Variants in DNAH12 observed in about 807,000 individuals in gnomAD.
DNAH12 encodes the protein dynein axonemal heavy chain 12, also known as axonemal beta dynein heavy chain 12.
A neutral mutation model predicts 371.5 loss-of-function variants in DNAH12; 285 were observed. That is an observed-to-expected ratio of 0.77 (90% confidence interval 0.70 to 0.85). The LOEUF is 0.85. Ranked by LOEUF, DNAH12 falls within the 40% of genes least tolerant of loss-of-function variation. The pLI is 0.00. For synonymous variants in DNAH12, 1,200 were observed against 1,213.0 expected, an observed-to-expected ratio of 0.99 and a Z score of 0.22; for missense variants, 3,611 against 3,689.4, an observed-to-expected ratio of 0.98 and a Z score of 0.55.
chr3:57,326,384 A>G (rs1231101929), intron 62 of DNAH12, among the ~76,000 whole-genome samples: 1 of 152,260 alleles, frequency 6.6e-6, no homozygotes, highest in Non-Finnish European at 1.5e-5. Flanking sequence ...TACAAGCCAG[A>G]AGAGAGTGGG....
rs1215843178 is a variant in DNAH12 at position 57,510,807 on chromosome 3, C to A, written c.452G>T (p.Ser151Ile). 6.2e-7 allele frequency: 1 copy of A among 1,613,910 alleles called. No homozygotes were observed. The highest frequency in any genetic ancestry group is 8.5e-7 in the Non-Finnish European group (1 of 1,179,998). Reference sequence around the variant, plus strand: ...CTACTTACCCAAATATCTCTTCATGCTGTTTTCAAAGTCACTTGACACCTC... The same window carrying A: ...CTACTTACCCAAATATCTCTTCATGATGTTTTCAAAGTCACTTGACACCTC... The part of the protein sequence containing the change: ...INEVSSDFEN[S>I]MKRYLVQSVL... Residue 151 changes from serine to isoleucine, a missense_variant, in exon 5 of 74, where the codon AGC becomes ATC. Physicochemically the swap from Ser to Ile is moderately radical, Grantham distance 142 (BLOSUM62 -2). Around this residue, in one of 3 missense-constraint regions of DNAH12, gnomAD observed 1,314 missense variants for 1,398.7 expected, o/e 0.94. Transcript: ENST00000495027.
rs1251268183 is a variant in DNAH12, at chr3:57,445,304, G to T, written c.4295C>A (p.Thr1432Asn). 3 of 1,551,632 alleles carry T rather than the reference G, an allele frequency of 1.9e-6. No individual in the cohort carries two copies. The South Asian group carries it at 3.6e-5, about 18-fold the overall frequency. The change falls in exon 28 of 74, where the codon ACC becomes AAC. Residue 1432 changes from threonine (T) to asparagine (N), a missense_variant. Physicochemically the swap from Thr to Asn is moderately conservative, Grantham distance 65. Coordinates refer to ENST00000495027, the MANE Select transcript of DNAH12 (RefSeq NM_001366028.2). The stretch of plus-strand genomic sequence containing the variant: ...GAGCTGCTCTGAGCAAAGCCTATAG[G>T]TCATTACTATTTTCACAGACAGAGG... ...ARPLSVKIVM[T>N]YRLCSEQLSS...
At chr3:57,547,232 AG>A, upstream of DNAH12, among the ~76,000 whole-genome samples, 1 of 151,012 alleles carries the variant, frequency 6.6e-6, no homozygotes, top group South Asian at 2.1e-4. Flanking sequence ...ATATAGATAT[AG>A]ATATAGATGA....
At chr3:57,325,028 G>A (rs1020687053) in intron 62 of DNAH12, among the ~76,000 whole-genome samples, 14 of 152,346 alleles carry the variant, frequency 9.2e-5, no homozygotes, top group African/African-American at 2.6e-4. Flanking sequence ...AGGGGCGCCC[G>A]CCATTGCCCA....
intron 6 of DNAH12, 54 bp from the exon 7 acceptor site, chr3:57,508,594 T>G (rs1286745411): frequency 6.4e-7 from 1 of 1,550,710 alleles, no homozygotes; most frequent in African/African-American, 1.4e-5. Flanking sequence ...ACCCTAAACT[T>G]TAGGAAATAA....
chr3:57,311,170 G>C (rs1054733448), intron 66 of DNAH12, among the ~76,000 whole-genome samples: 1 of 152,176 alleles, frequency 6.6e-6, no homozygotes, highest in African/African-American at 2.4e-5. Flanking sequence ...CCGCCTCCCA[G>C]GTTCAAGCGA....
At chr3:57,355,230 C>A (rs2062771626) in intron 59 of DNAH12, among the ~76,000 whole-genome samples, 1 of 151,988 alleles carries the variant, frequency 6.6e-6, no homozygotes. Flanking sequence ...TACATAGGAC[C>A]ATGGGAATGG....
At chr3:57,454,068 C>T (rs1026995116) in intron 23 of DNAH12, among the ~76,000 whole-genome samples, 2 of 152,080 alleles carry the variant, frequency 1.3e-5, no homozygotes, top group Non-Finnish European at 2.9e-5. Flanking sequence ...ATGACTACGC[C>T]ATTGCACTCC....
chr3:57,482,014 AG>A (rs1169140702), intron 13 of DNAH12, among the ~76,000 whole-genome samples: 1 of 152,254 alleles, frequency 6.6e-6, no homozygotes, highest in Non-Finnish European at 1.5e-5. Flanking sequence ...GGCATGGGCA[AG>A]GACTTCAAGC....
intron 59 of DNAH12, among the ~76,000 whole-genome samples, chr3:57,356,780 C>A (rs1228803803): frequency 6.6e-6 from 1 of 152,056 alleles, no homozygotes; most frequent in African/African-American, 2.4e-5. Flanking sequence ...CACTCTGTTG[C>A]GCAGGCTGGA....
chr3:57,336,115 G>A (rs1481745858), intron 60 of DNAH12, among the ~76,000 whole-genome samples: 1 of 152,292 alleles, frequency 6.6e-6, no homozygotes, highest in Middle Eastern at 3.4e-3. Context: ...CTGAGTAGCT[G>A]AGATTAGAGG....
At chr3:57,425,243 A>G in intron 34 of DNAH12, 102 bp from the exon 35 acceptor site, 2 of 624,302 alleles carry the variant, frequency 3.2e-6, no homozygotes, top group South Asian at 3.8e-5. Context: ...CATGGTTTTA[A>G]TAAGGTCTTT....
the DNAH12 span, among the ~76,000 whole-genome samples, chr3:57,553,935 C>G: frequency 6.6e-6 from 1 of 151,320 alleles, no homozygotes; most frequent in South Asian, 2.1e-4. Flanking sequence ...AAAGATTGTC[C>G]TGCCTCGGCC....
At chr3:57,342,527 G>T (rs1283675295) in intron 60 of DNAH12, among the ~76,000 whole-genome samples, 1 of 147,936 alleles carries the variant, frequency 6.8e-6, no homozygotes, top group African/African-American at 2.5e-5. Context: ...GCATGGTGGT[G>T]GGCACCTGTA....
chr3:57,503,051 A>T (rs1046466687), intron 9 of DNAH12, among the ~76,000 whole-genome samples: 1 of 152,210 alleles, frequency 6.6e-6, no homozygotes, highest in Non-Finnish European at 1.5e-5. Flanking sequence ...AAATAACTTG[A>T]CATAAAATAA....
intron 58 of DNAH12, among the ~76,000 whole-genome samples, chr3:57,358,844 G>C (rs1224375377): frequency 6.6e-6 from 1 of 152,106 alleles, no homozygotes; most frequent in Non-Finnish European, 1.5e-5. Flanking sequence ...GAGTGCAGCG[G>C]CATGATCTCA....
intron 8 of DNAH12, among the ~76,000 whole-genome samples, chr3:57,506,527 C>T (rs1052923357): frequency 6.6e-6 from 1 of 152,042 alleles, no homozygotes; most frequent in Admixed American, 6.6e-5. Flanking sequence ...CCACAACCTC[C>T]GCCTCTCGGT....
chr3:57,326,516 T>C (rs2061951381), intron 62 of DNAH12, among the ~76,000 whole-genome samples: 1 of 152,102 alleles, frequency 6.6e-6, no homozygotes, highest in African/African-American at 2.4e-5. Flanking sequence ...TGCTGAGCAA[T>C]TTTGTCACCA....
intron 60 of DNAH12, among the ~76,000 whole-genome samples, chr3:57,347,886 T>C (rs752434071): frequency 2.6e-5 from 4 of 152,146 alleles, no homozygotes; most frequent in Admixed American, 1.3e-4. Flanking sequence ...CTTTCCAAAA[T>C]AGGTAACATG....
Sources: gnomAD v4.1 joint callset for allele counts (sites outside exome capture counted in the v4.1 genomes callset) on GRCh38, gnomAD v4.1.1 for gene constraint, gnomAD v4.1.1 regional missense constraint, MANE v1.5 for transcripts, NCBI Gene and HGNC (gene_info 2026-07-23, HGNC 2026-07-21) for gene names.